The following RHOH variants were observed in gnomAD, a reference collection of about 807,000 sequenced individuals.
The protein encoded by RHOH is rho-related GTP-binding protein RhoH.
RHOH carries 6 observed loss-of-function variants against 13.8 expected under a neutral mutation model. The ratio of observed to expected loss-of-function variants is 0.44; its 90% CI spans 0.24 to 0.86. The LOEUF (loss-of-function observed/expected upper bound fraction) is 0.86. Ranked by LOEUF, RHOH falls within the 40% of genes least tolerant of loss-of-function variation. RHOH has a pLI of 0.24. For synonymous variants in RHOH, 117 were observed against 103.0 expected, an observed-to-expected ratio of 1.14 and a Z score of -0.82; for missense variants, 147 against 244.5, an observed-to-expected ratio of 0.60 and a Z score of 2.66.
At chr4:40,208,363 G>A (rs760182648) in intron 1 of RHOH, among the ~76,000 whole-genome samples, 15 of 152,082 alleles carry the variant, frequency 9.9e-5, no homozygotes, top group Non-Finnish European at 1.9e-4. Flanking sequence ...TTTCATTAAC[G>A]AATTAGTAAC....
In RHOH at chr4:40,246,056, G is replaced by C. The variant is rs1194171462; in HGVS notation, c.*2094G>C. The stretch of plus-strand genomic sequence containing the variant: ...TCTAGTTCTCAGCTCAGGGTTGGGG[G>C]GCTTGAAAGATGACCGGGCAGGGGA... On this transcript the variant is annotated 3_prime_UTR_variant, in exon 3 of 3. Coordinates refer to ENST00000381799, the MANE Select transcript of RHOH (RefSeq NM_004310.5). 6.6e-6 allele frequency: 1 copy of C among 152,166 alleles called. No individual in the cohort carries two copies. The highest frequency in any genetic ancestry group is 1.5e-5 in the Non-Finnish European group (1 of 68,086). The allele number at this position is 152,166 out of a possible 1,614,324, so 9.4% of individuals were successfully genotyped here. A position where few individuals can be genotyped will look rare whatever the true frequency, so the allele number is the denominator to read the frequency against.
chr4:40,213,085 A>G (rs887140863), intron 1 of RHOH, among the ~76,000 whole-genome samples: 6 of 152,230 alleles, frequency 3.9e-5, no homozygotes, highest in Non-Finnish European at 7.3e-5. Context: ...TTATGCAGGA[A>G]TAGCAGAGAT....
chr4:40,242,003 A>G (rs1042642868), intron 1 of RHOH, among the ~76,000 whole-genome samples: 2 of 152,236 alleles, frequency 1.3e-5, no homozygotes, highest in African/African-American at 2.4e-5. Context: ...ATTGCCCTGC[A>G]TGACACATGT....
At chr4:40,242,612 T>C (rs1354665341) in intron 1 of RHOH, 102 bp from the exon 2 acceptor site, 3 of 152,242 alleles carry the variant, frequency 2.0e-5, no homozygotes, top group African/African-American at 4.8e-5. Context: ...TTTTCCCCTA[T>C]TACAACACAT....
chr4:40,227,423 G>T (rs560488628), intron 1 of RHOH, among the ~76,000 whole-genome samples: 1 of 150,054 alleles, frequency 6.7e-6, no homozygotes, highest in South Asian at 2.1e-4. Context: ...GACTCAGCTG[G>T]TTCAGTTTCT....
intron 1 of RHOH, among the ~76,000 whole-genome samples, chr4:40,230,123 C>T (rs1727732192): frequency 6.6e-6 from 1 of 152,142 alleles, no homozygotes; most frequent in Non-Finnish European, 1.5e-5. Context: ...CCCCTCACTG[C>T]GACCTCTGCC....
chr4:40,204,594 A>G (rs1324646535), intron 1 of RHOH, among the ~76,000 whole-genome samples: 1 of 152,154 alleles, frequency 6.6e-6, no homozygotes, highest in East Asian at 1.9e-4. Context: ...AAACCCATTC[A>G]TGGACTCTCA....
In RHOH at chr4:40,245,583, G is replaced by A. The variant is rs1367092743; in HGVS notation, c.*1621G>A. 6.6e-6 allele frequency: 1 copy of A among 151,424 alleles called. No individual in the cohort carries two copies. The highest frequency in any genetic ancestry group is 1.9e-4 in the East Asian group (1 of 5,180). 9.4% of individuals were successfully genotyped at this position (151,424 alleles called of 1,614,324 possible). A position where few individuals can be genotyped will look rare whatever the true frequency, so the allele number is the denominator to read the frequency against. ...GAAAAAAAAGAAAGAAATTGCAAAG[G>A]CTGGCACCTAGATAGATCAATCAAT... On this transcript the variant is annotated 3_prime_UTR_variant, in exon 3 of 3. Coordinates refer to ENST00000381799, the MANE Select transcript of RHOH (RefSeq NM_004310.5).
intron 1 of RHOH, among the ~76,000 whole-genome samples, chr4:40,227,236 A>G (rs1282188884): frequency 1.3e-5 from 2 of 152,242 alleles, no homozygotes; most frequent in African/African-American, 4.8e-5. Flanking sequence ...AGTACACAAT[A>G]AAATCTTTCT....
chr4:40,234,639 T>A (rs1424556483), intron 1 of RHOH, among the ~76,000 whole-genome samples: 1 of 152,170 alleles, frequency 6.6e-6, no homozygotes, highest in Non-Finnish European at 1.5e-5. Context: ...TGTTTTGTTT[T>A]AATTCAACTA....
chr4:40,223,773 T>TG (rs1188445305), intron 1 of RHOH, among the ~76,000 whole-genome samples: 2 of 128,986 alleles, frequency 1.6e-5, no homozygotes, highest in African/African-American at 5.5e-5. Flanking sequence ...ACTTGTTTTT[T>TG]TTTTTTTTTT....
chr4:40,223,324 T>C (rs1439470126), intron 1 of RHOH, among the ~76,000 whole-genome samples: 1 of 152,176 alleles, frequency 6.6e-6, no homozygotes, highest in East Asian at 1.9e-4. Context: ...AATCAATCAG[T>C]GTGGCAAACT....
At chr4:40,233,525 A>G (rs1728196031) in intron 1 of RHOH, among the ~76,000 whole-genome samples, 1 of 152,186 alleles carries the variant, frequency 6.6e-6, no homozygotes, top group Non-Finnish European at 1.5e-5. Flanking sequence ...CCCCAGGTCT[A>G]CATGCCCCTT....
intron 1 of RHOH, among the ~76,000 whole-genome samples, chr4:40,241,725 C>T (rs1159511710): frequency 2.6e-5 from 4 of 151,494 alleles, no homozygotes; most frequent in Admixed American, 2.6e-4. Context: ...TGTGTCTCTA[C>T]AAAAAAAGCA....
In RHOH at chr4:40,226,526, CAAAAAAA is replaced by C. The variant is rs892642366; in HGVS notation, c.-330-16175_-330-16169del. On this transcript the variant is annotated intron_variant, in intron 1 of 2. Transcript: ENST00000381799. ...GGGTAACAAGAGTGAAACTCCATCT[CAAAAAAA>C]AAAAAAAAAAAAGAAAAAGAAAAAA... 9.1e-3 allele frequency among the ~76,000 whole-genome samples: 1,212 copies of C among 133,058 alleles called. 9 individuals carry two copies. Among genetic ancestry groups the C allele is most frequent in the African/African-American group, 0.032 (1,094 of 34,688 alleles). 87.3% of individuals were successfully genotyped at this position (133,058 alleles called of 152,430 possible).
At chr4:40,191,178 T>C (rs1722695736), upstream of RHOH, 2 of 152,226 alleles carry the variant, frequency 1.3e-5, no homozygotes, top group Non-Finnish European at 1.5e-5. Flanking sequence ...CCAAAGATAC[T>C]GCTCTTACTA....
At chr4:40,222,230 G>A (rs1458895640) in intron 1 of RHOH, among the ~76,000 whole-genome samples, 1 of 152,174 alleles carries the variant, frequency 6.6e-6, no homozygotes, top group Non-Finnish European at 1.5e-5. Flanking sequence ...ATCTAGCTAA[G>A]GTCATTGATG....
At position 40,246,864 on chromosome 4, in the gene RHOH, C is replaced by T. The variant is rs1404719103; in HGVS notation, c.*2902C>T. Reference sequence around the variant, plus strand: ...ATGCAGACACAGGTTTCTTATACTTCAAAATTTGTGGTACCTTTTTGTAGA... The same window carrying T: ...ATGCAGACACAGGTTTCTTATACTTTAAAATTTGTGGTACCTTTTTGTAGA... On this transcript the variant is annotated 3_prime_UTR_variant, in exon 3 of 3. Transcript: ENST00000381799. 6.6e-6 allele frequency: 1 copy of T among 152,204 alleles called. No homozygotes were observed. Among genetic ancestry groups the T allele is most frequent in the Non-Finnish European group, 1.5e-5 (1 of 68,034 alleles). 9.4% of individuals were successfully genotyped at this position (152,204 alleles called of 1,614,324 possible).
Position 40,204,698 on chromosome 4 carries a change from T to C in RHOH, c.-331+7398T>C, listed in dbSNP as rs61372376. ...TATTACTGACATCAGATTAAGCCCC[T>C]AAAGACAGAAATGCTGCTTCTCCAA... On this transcript the variant is annotated intron_variant, in intron 1 of 2. Transcript: ENST00000381799. 7.6e-3 allele frequency among the ~76,000 whole-genome samples: 1,158 copies of C among 152,284 alleles called. 26 individuals are homozygous for C. Among genetic ancestry groups the C allele is most frequent in the South Asian group, 0.046 (221 of 4,830 alleles).
Sources: allele counts gnomAD v4.1 joint callset (sites outside exome capture counted in the v4.1 genomes callset), GRCh38; gene constraint gnomAD v4.1.1; transcripts MANE v1.5; gene names NCBI Gene and HGNC (gene_info 2026-07-23, HGNC 2026-07-21).